GTSE1: variants seen among roughly 807,000 people sequenced by gnomAD.
GTSE1 encodes the protein G2 and S-phase expressed 1.
GTSE1 carries 52 observed loss-of-function variants against 60.5 expected under a neutral mutation model. That is an observed-to-expected ratio of 0.86 (90% CI 0.69 to 1.08). GTSE1 has a LOEUF of 1.08. Ranked by LOEUF, GTSE1 falls within the 50% of genes least tolerant of loss-of-function variation. The pLI, the probability that GTSE1 is intolerant of heterozygous loss-of-function variation, is 0.00. For missense variants in GTSE1, 937 were observed against 961.8 expected (o/e 0.97, Z 0.34); for synonymous variants, 368 against 386.5 (o/e 0.95, Z 0.56).
chr22:46,302,581 C>T (rs1027448165), intron 2 of GTSE1, among the ~76,000 whole-genome samples: 4 of 152,052 alleles, frequency 2.6e-5, no homozygotes, highest in African/African-American at 7.2e-5. Flanking sequence ...AGGCTGGTCT[C>T]AAACTCCTAG....
chr22:46,311,506 G>A (rs950060070), intron 4 of GTSE1, among the ~76,000 whole-genome samples: 1 of 152,168 alleles, frequency 6.6e-6, no homozygotes. Context: ...GTTATGAGAA[G>A]TATCTCAGTT....
rs568135825 is a variant in GTSE1, at chr22:46,318,772, C to T, written c.1432+2360C>T. On this transcript the variant is annotated intron_variant, in intron 7 of 11. Transcript: ENST00000454366. The surrounding 1 kb of genome is among the most constrained non-coding windows in gnomAD (Gnocchi z 4.8). ...CCGGAGGGTGGGAGTGCAGCCGCTGCGGTCGGGATTCTGCGTAGACGTGCG... is the reference window on the plus strand; with the variant it reads ...CCGGAGGGTGGGAGTGCAGCCGCTGTGGTCGGGATTCTGCGTAGACGTGCG... Among the ~76,000 whole-genome samples, 156 of 152,240 alleles carry T rather than the reference C, an allele frequency of 1.0e-3. No individual in the cohort carries two copies. The highest frequency in any genetic ancestry group is 3.6e-3 in the African/African-American group (148 of 41,544).
Position 46,329,120 on chromosome 22 carries a change from C to T in GTSE1, c.1926+231C>T, listed in dbSNP as rs115010628. 1.7e-3 allele frequency: 1,036 copies of T among 622,698 alleles called. 3 individuals are homozygous for T. The African/African-American group carries it at 0.017, about 10-fold the overall frequency. 38.6% of individuals were successfully genotyped at this position (622,698 alleles called of 1,614,324 possible). ...GGGTCAGGGATCAAAGCTGAGGAAG[C>T]GGGAAGCAGGGTGGCAGGAGCTGGT... On this transcript the variant is annotated intron_variant, in intron 10 of 11. Coordinates refer to ENST00000454366, the MANE Select transcript of GTSE1 (RefSeq NM_016426.7). This position sits in a 1 kb window ranked among gnomAD's most constrained non-coding sequence, Gnocchi z 6.4.
chr22:46,326,575 A>T lies in GTSE1; in HGVS notation c.1645A>T (p.Met549Leu), dbSNP rs2147833737. The T allele has an allele frequency of 6.2e-7, 1 of 1,614,052 alleles. No individual in the cohort carries two copies. The highest frequency in any genetic ancestry group is 1.3e-5 in the African/African-American group (1 of 75,048). The change falls in exon 9 of 12, where the codon ATG (methionine) becomes TTG (leucine). Residue 549 changes from methionine (M) to leucine (L), a missense_variant. Met to Leu is a conservative substitution (Grantham distance 15). Coordinates refer to ENST00000454366, the MANE Select transcript of GTSE1 (RefSeq NM_016426.7). ...CCTTCCACCGATGACCCCCAAAACG[A>T]TGCCCAGGGCCGTGGGCTCTCCCCT... ...SGLPPMTPKT[M>L]PRAVGSPLCV...
chr22:46,303,393 G>T (rs2077700293), intron 2 of GTSE1, among the ~76,000 whole-genome samples: 1 of 152,166 alleles, frequency 6.6e-6, no homozygotes, highest in Non-Finnish European at 1.5e-5. Flanking sequence ...GCTCTGTAAT[G>T]ATTTTGTCCT....
intron 8 of GTSE1, 104 bp from the exon 9 acceptor site, chr22:46,326,332 G>A: frequency 1.1e-6 from 1 of 945,950 alleles, no homozygotes. Flanking sequence ...GGCTCTTCTG[G>A]GCTGAAACCA....
In GTSE1 at chr22:46,309,291, C is replaced by T. The variant is rs972942522; in HGVS notation, c.762+348C>T. ...ATGGCTGCTAGTCAGCCTCCTTGAC[C>T]GTGCCTCAGTTTACACTGCATTCCT... On this transcript the variant is annotated intron_variant, in intron 4 of 11. Transcript: ENST00000454366. The surrounding 1 kb of genome is among the most constrained non-coding windows in gnomAD (Gnocchi z 6.2). Among the ~76,000 whole-genome samples the T allele has an allele frequency of 4.6e-5, 7 of 152,214 alleles. No individual in the cohort carries two copies. The highest frequency in any genetic ancestry group is 9.6e-5 in the African/African-American group (4 of 41,462).
chr22:46,326,855 T>C (rs1159830374), intron 9 of GTSE1: 1 of 511,114 alleles, frequency 2.0e-6, no homozygotes, highest in East Asian at 3.4e-5. Context: ...TACAAGGAAA[T>C]ACTGCGTGTA....
At chr22:46,307,764 G>A (rs1176969108) in intron 2 of GTSE1, among the ~76,000 whole-genome samples, 3 of 151,802 alleles carry the variant, frequency 2.0e-5, no homozygotes, top group Non-Finnish European at 4.4e-5. Context: ...ACCTCCCAAA[G>A]TGTTGGAGTT....
Position 46,320,977 on chromosome 22 carries a change from G to A in GTSE1, c.1433-2213G>A, listed in dbSNP as rs1195958496. Among the ~76,000 whole-genome samples the A allele has an allele frequency of 6.6e-6, 1 of 152,048 alleles. No homozygotes were observed. The highest frequency in any genetic ancestry group is 1.5e-5 in the Non-Finnish European group (1 of 67,996). On this transcript the variant is annotated intron_variant, in intron 7 of 11. Coordinates refer to ENST00000454366, the MANE Select transcript of GTSE1 (RefSeq NM_016426.7). This position sits in a 1 kb window ranked among gnomAD's most constrained non-coding sequence, Gnocchi z 7.1. ...CACCCAGCTGAGGGAGAGGACAACC[G>A]AGAGGAAGGGGTCTCGGGAGAGAGG...
intron 9 of GTSE1, among the ~76,000 whole-genome samples, chr22:46,327,483 C>T (rs555559738): frequency 6.6e-6 from 1 of 152,092 alleles, no homozygotes; most frequent in Non-Finnish European, 1.5e-5. Flanking sequence ...ACCAACCTGG[C>T]CAACATGGTG....
In GTSE1 at chr22:46,319,473, T is replaced by A. The variant is rs745317480; in HGVS notation, c.1432+3061T>A. ...GTGGCAGTGCAGAGAGGGACTCGAG[T>A]GTCCCTGAGGTTCTGGCGGAACCTG... On this transcript the variant is annotated intron_variant, in intron 7 of 11. Transcript: ENST00000454366. This position sits in a 1 kb window ranked among gnomAD's most constrained non-coding sequence, Gnocchi z 5.0. Among the ~76,000 whole-genome samples, 22 of 151,916 alleles carry A rather than the reference T, an allele frequency of 1.4e-4. No homozygotes were observed. The highest frequency in any genetic ancestry group is 3.1e-4 in the Non-Finnish European group (21 of 67,992).
chr22:46,307,328 GAATTT>G (rs1376116280), intron 2 of GTSE1, among the ~76,000 whole-genome samples: 1 of 152,194 alleles, frequency 6.6e-6, no homozygotes, highest in Non-Finnish European at 1.5e-5. Context: ...TGTAAGAGGG[GAATTT>G]AATTCTAGGG....
intron 6 of GTSE1, 136 bp from the exon 7 acceptor site, chr22:46,315,896 C>A (rs2077776231): frequency 1.5e-6 from 1 of 655,776 alleles, no homozygotes; most frequent in Admixed American, 3.1e-5. Context: ...GATGATGTTG[C>A]CTGAAGGGCT....
At chr22:46,311,743 G>A (rs530391827) in intron 4 of GTSE1, among the ~76,000 whole-genome samples, 1 of 152,324 alleles carries the variant, frequency 6.6e-6, no homozygotes, top group South Asian at 2.1e-4. Context: ...TTGCAATTGA[G>A]CAGCTTCTCT....
At chr22:46,328,628 T>C (rs1403788184) in intron 9 of GTSE1, 60 bp from the exon 10 acceptor site, 1 of 1,340,380 alleles carries the variant, frequency 7.5e-7, no homozygotes. Context: ...GCTTCCCACA[T>C]CAGCCAAGTG....
chr22:46,300,863 C>G (rs574402804), intron 2 of GTSE1, among the ~76,000 whole-genome samples: 2 of 152,350 alleles, frequency 1.3e-5, no homozygotes, highest in African/African-American at 4.8e-5. Context: ...AGTGAAATGT[C>G]TGCCTCTCTA....
In GTSE1 at chr22:46,309,767, G is replaced by A. The variant is rs1320710629; in HGVS notation, c.762+824G>A. Among the ~76,000 whole-genome samples, 1 of 152,178 alleles carries A rather than the reference G, an allele frequency of 6.6e-6. No homozygotes were observed. The highest frequency in any genetic ancestry group is 6.5e-5 in the Admixed American group (1 of 15,270). ...GCCACACACTGCCCTTGACAAGGAG[G>A]TATGCCCGGCACTGCCACCCCCAAC... On this transcript the variant is annotated intron_variant, in intron 4 of 11. Coordinates refer to ENST00000454366, the MANE Select transcript of GTSE1 (RefSeq NM_016426.7). This position sits in a 1 kb window ranked among gnomAD's most constrained non-coding sequence, Gnocchi z 6.2.
rs921122567 is a variant in GTSE1 at position 46,297,660 on chromosome 22, C to T, written c.79+181C>T. Among the ~76,000 whole-genome samples the T allele has an allele frequency of 1.3e-5, 2 of 152,218 alleles. No individual in the cohort carries two copies. The highest frequency in any genetic ancestry group is 2.9e-5 in the Non-Finnish European group (2 of 68,046). ...TTCACCTCCTCCCCATTTTAAGTTTCATCACAGCCAGGATTCTCATCCGTT... is the reference window on the plus strand; with the variant it reads ...TTCACCTCCTCCCCATTTTAAGTTTTATCACAGCCAGGATTCTCATCCGTT... On this transcript the variant is annotated intron_variant, in intron 2 of 11. Coordinates refer to ENST00000454366, the MANE Select transcript of GTSE1 (RefSeq NM_016426.7). This position sits in a 1 kb window ranked among gnomAD's most constrained non-coding sequence, Gnocchi z 4.9.
Sources: allele counts gnomAD v4.1 joint callset (sites outside exome capture counted in the v4.1 genomes callset), GRCh38; gene constraint gnomAD v4.1.1; non-coding constraint Gnocchi (gnomAD v3.1); transcripts MANE v1.5; gene names NCBI Gene and HGNC (gene_info 2026-07-23, HGNC 2026-07-21).